SDCCAG8: variants seen among roughly 807,000 people sequenced by gnomAD.
The protein encoded by SDCCAG8 is serologically defined colon cancer antigen 8.
A neutral mutation model predicts 101.8 loss-of-function variants in SDCCAG8; 74 were observed. The ratio of observed to expected loss-of-function variants is 0.73; its 90% CI spans 0.60 to 0.88. The LOEUF is 0.88. Ranked by LOEUF, SDCCAG8 falls within the 40% of genes least tolerant of loss-of-function variation. SDCCAG8 has a pLI of 0.00. For synonymous variants in SDCCAG8, 281 were observed against 292.9 expected, an observed-to-expected ratio of 0.96 and a Z score of 0.41; for missense variants, 787 against 822.6, an observed-to-expected ratio of 0.96 and a Z score of 0.53.
intron 15 of SDCCAG8, among the ~76,000 whole-genome samples, chr1:243,425,844 T>A (rs2081305872): frequency 6.6e-6 from 1 of 152,214 alleles, no homozygotes; most frequent in South Asian, 2.1e-4. Context: ...AAAGCCTGCC[T>A]GCATGGACGG....
intron 13 of SDCCAG8, among the ~76,000 whole-genome samples, chr1:243,384,536 A>G (rs2078154050): frequency 6.6e-6 from 1 of 152,162 alleles, no homozygotes; most frequent in East Asian, 1.9e-4. Context: ...AAACAATGCA[A>G]GTAGGTTTAG....
At chr1:243,450,798 A>G (rs1004633027) in intron 16 of SDCCAG8, among the ~76,000 whole-genome samples, 1 of 152,138 alleles carries the variant, frequency 6.6e-6, no homozygotes, top group African/African-American at 2.4e-5. Context: ...AGCTGGGATT[A>G]TAGGTGTGCG....
intron 1 of SDCCAG8, among the ~76,000 whole-genome samples, chr1:243,266,437 C>A (rs966287533): frequency 6.6e-6 from 1 of 151,898 alleles, no homozygotes; most frequent in Non-Finnish European, 1.5e-5. Flanking sequence ...TTGCCTCAGC[C>A]TCCCCAGCAG....
chr1:243,423,253 T>C (rs751659524), intron 15 of SDCCAG8, among the ~76,000 whole-genome samples: 3 of 152,144 alleles, frequency 2.0e-5, no homozygotes, highest in Non-Finnish European at 4.4e-5. Context: ...ACATCCTCAA[T>C]GCAGGGAATT....
intron 7 of SDCCAG8, chr1:243,307,740 T>C: frequency 7.1e-7 from 1 of 1,401,082 alleles, no homozygotes; most frequent in Non-Finnish European, 9.2e-7. Flanking sequence ...TTCTAATCTA[T>C]ATTAAAATCT....
intron 16 of SDCCAG8, among the ~76,000 whole-genome samples, chr1:243,479,659 A>G (rs559283343): frequency 6.6e-6 from 1 of 152,274 alleles, no homozygotes; most frequent in East Asian, 1.9e-4. Flanking sequence ...CTCTCATTTC[A>G]CATGTGAGGA....
chr1:243,354,238 C>A (rs1185768434), intron 12 of SDCCAG8, among the ~76,000 whole-genome samples: 1 of 152,128 alleles, frequency 6.6e-6, no homozygotes, highest in Non-Finnish European at 1.5e-5. Context: ...TTTCTTTGCC[C>A]CTCTTAATTG....
intron 7 of SDCCAG8, among the ~76,000 whole-genome samples, chr1:243,306,916 C>T (rs1231004467): frequency 6.6e-6 from 1 of 152,012 alleles, no homozygotes; most frequent in Non-Finnish European, 1.5e-5. Flanking sequence ...AGGCTGTTGG[C>T]TTCTCCTCTG....
At chr1:243,463,572 A>G (rs1659550880) in intron 16 of SDCCAG8, among the ~76,000 whole-genome samples, 1 of 152,204 alleles carries the variant, frequency 6.6e-6, no homozygotes, top group South Asian at 2.1e-4. Context: ...CGCTTCCTGT[A>G]ATGCCTAATA....
At chr1:243,439,603 CA>C (rs1298877922) in intron 16 of SDCCAG8, among the ~76,000 whole-genome samples, 2 of 138,922 alleles carry the variant, frequency 1.4e-5, no homozygotes, top group East Asian at 4.4e-4. Context: ...CCAGCCTGGG[CA>C]ACAAGAGTGA....
At chr1:243,306,964 C>CGTG (rs926601627) in intron 7 of SDCCAG8, among the ~76,000 whole-genome samples, 84 of 152,030 alleles carry the variant, frequency 5.5e-4, no homozygotes, top group African/African-American at 2.0e-3. Flanking sequence ...AGCACCTGAG[C>CGTG]GTGGAGACTT....
chr1:243,462,612 A>C (rs561675561), intron 16 of SDCCAG8, among the ~76,000 whole-genome samples: 13 of 151,894 alleles, frequency 8.6e-5, no homozygotes, highest in African/African-American at 2.9e-4. Context: ...GCTGAGCAAA[A>C]ATGAATGCAT....
chr1:243,429,945 C>T (rs997434316), intron 16 of SDCCAG8, among the ~76,000 whole-genome samples: 4 of 151,912 alleles, frequency 2.6e-5, no homozygotes, highest in Non-Finnish European at 4.4e-5. Context: ...TGAGGTGATC[C>T]GCCTACCTCG....
intron 12 of SDCCAG8, among the ~76,000 whole-genome samples, chr1:243,373,615 C>T (rs2077428041): frequency 6.6e-6 from 1 of 152,086 alleles, no homozygotes; most frequent in Non-Finnish European, 1.5e-5. Context: ...CTACCCAGTG[C>T]ATACACTTCT....
intron 12 of SDCCAG8, among the ~76,000 whole-genome samples, chr1:243,351,921 A>T (rs1413876944): frequency 6.6e-6 from 1 of 152,252 alleles, no homozygotes; most frequent in Admixed American, 6.5e-5. Flanking sequence ...GTTCCAAATC[A>T]ATCCAGTGAA....
At chr1:243,485,614 A>C (rs1664623011) in intron 16 of SDCCAG8, among the ~76,000 whole-genome samples, 2 of 152,202 alleles carry the variant, frequency 1.3e-5, no homozygotes, top group Admixed American at 1.3e-4. Flanking sequence ...AATAACTTTC[A>C]AAAAATCTCA....
rs2075370980 is a variant in SDCCAG8 at position 243,341,324 on chromosome 1, G to C, written c.1356+151G>C. 5.2e-6 allele frequency: 4 copies of C among 771,724 alleles called. No homozygotes were observed. In the Admixed American group the frequency reaches 1.0e-4, roughly 19 times the overall value. The allele number at this position is 771,724 out of a possible 1,614,324, so 47.8% of individuals were successfully genotyped here. ...CAAGAATAATAAAAGGCCACCTAAT[G>C]GTTACTCAGCAAACATTCAGTTACT... On this transcript the variant is annotated intron_variant, in intron 11 of 17. Coordinates refer to ENST00000366541, the MANE Select transcript of SDCCAG8 (RefSeq NM_006642.5).
intron 16 of SDCCAG8, among the ~76,000 whole-genome samples, chr1:243,486,042 T>TA (rs1396136061): frequency 6.6e-6 from 1 of 151,412 alleles, no homozygotes; most frequent in Non-Finnish European, 1.5e-5. Flanking sequence ...CTACTAAAAA[T>TA]ACAAAATTAG....
intron 7 of SDCCAG8, among the ~76,000 whole-genome samples, chr1:243,307,196 C>CA (rs1167070449): frequency 6.6e-6 from 1 of 151,688 alleles, no homozygotes; most frequent in Non-Finnish European, 1.5e-5. Context: ...CTTAAAAAGT[C>CA]ACCTTGGAGA....
Sources: allele counts gnomAD v4.1 joint callset (sites outside exome capture counted in the v4.1 genomes callset), GRCh38; gene constraint gnomAD v4.1.1; transcripts MANE v1.5; gene names NCBI Gene and HGNC (gene_info 2026-07-23, HGNC 2026-07-21).